The following NCKAP5 variants were observed in gnomAD, a reference collection of about 807,000 sequenced individuals.
NCKAP5 encodes the protein NCK associated protein 5.
A neutral mutation model predicts 167.0 loss-of-function variants in NCKAP5; 92 were observed. The ratio of observed to expected loss-of-function variants is 0.55; its 90% CI spans 0.47 to 0.66. The LOEUF (loss-of-function observed/expected upper bound fraction) is 0.66. Among genes scored for constraint, NCKAP5 ranks in the 30% least tolerant of loss-of-function variants. NCKAP5 has a pLI of 0.00. For missense variants in NCKAP5, 2,378 were observed against 2,315.0 expected, an observed-to-expected ratio of 1.03 and a Z score of -0.56; for synonymous variants, 891 against 877.4, an observed-to-expected ratio of 1.02 and a Z score of -0.27.
intron 3 of NCKAP5, among the ~76,000 whole-genome samples, chr2:133,364,693 C>T (rs1175048914): frequency 1.3e-5 from 2 of 152,072 alleles, no homozygotes; most frequent in Non-Finnish European, 1.5e-5. Context: ...GCAAGAATAT[C>T]ACAGAAATGA....
the NCKAP5 span, among the ~76,000 whole-genome samples, chr2:133,640,001 T>C: frequency 6.6e-6 from 1 of 152,148 alleles, no homozygotes; most frequent in Non-Finnish European, 1.5e-5. Flanking sequence ...ATATTGCTTG[T>C]ATAAGGTTTA....
At chr2:133,599,172 G>A in the NCKAP5 span, among the ~76,000 whole-genome samples, 2,709 of 152,310 alleles carry the variant, frequency 0.018, 74 homozygotes, top group African/African-American at 0.061. Context: ...CTACTGAAAG[G>A]TTAAGATTTC....
chr2:133,414,477 T>C (rs1343659830), intron 3 of NCKAP5, among the ~76,000 whole-genome samples: 1 of 152,028 alleles, frequency 6.6e-6, no homozygotes, highest in Non-Finnish European at 1.5e-5. Context: ...AAATAGCCAA[T>C]GGGACGGAGA....
intron 6 of NCKAP5, among the ~76,000 whole-genome samples, chr2:133,111,053 C>T (rs1481659435): frequency 2.0e-5 from 3 of 152,126 alleles, no homozygotes; most frequent in Non-Finnish European, 4.4e-5. Flanking sequence ...ATAGGTCCTC[C>T]TTTAACCTTA....
intron 3 of NCKAP5, among the ~76,000 whole-genome samples, chr2:133,507,607 G>A (rs1160170075): frequency 6.6e-6 from 1 of 152,198 alleles, no homozygotes; most frequent in African/African-American, 2.4e-5. Flanking sequence ...CAGACAAATA[G>A]GATTCCATGT....
chr2:132,756,393 G>C (rs200540952), intron 16 of NCKAP5, among the ~76,000 whole-genome samples: 1 of 152,146 alleles, frequency 6.6e-6, no homozygotes, highest in East Asian at 1.9e-4. Flanking sequence ...AAAAGCATTA[G>C]AGTGTATCTA....
intron 6 of NCKAP5, among the ~76,000 whole-genome samples, chr2:133,121,358 C>T (rs2082244785): frequency 6.6e-6 from 1 of 151,946 alleles, no homozygotes; most frequent in African/African-American, 2.4e-5. Context: ...AATGATGACA[C>T]TATTAAAAAC....
intron 3 of NCKAP5, chr2:133,391,416 G>A (rs1188752927): frequency 6.5e-6 from 1 of 152,694 alleles, no homozygotes; most frequent in Non-Finnish European, 1.5e-5. Context: ...TAAGTCTTGA[G>A]TCCAGACAGC....
intron 8 of NCKAP5, among the ~76,000 whole-genome samples, chr2:132,918,692 A>G (rs992429812): frequency 2.0e-5 from 3 of 152,230 alleles, no homozygotes; most frequent in Non-Finnish European, 4.4e-5. Flanking sequence ...AAGAACAAAA[A>G]AGACAATAAA....
intron 19 of NCKAP5, among the ~76,000 whole-genome samples, chr2:132,697,114 C>G (rs1436220431): frequency 6.6e-6 from 1 of 152,182 alleles, no homozygotes; most frequent in Non-Finnish European, 1.5e-5. Context: ...TCTCAAACTC[C>G]TGGCCTCAAG....
chr2:133,506,580 C>T (rs1048641669), intron 3 of NCKAP5, among the ~76,000 whole-genome samples: 6 of 152,150 alleles, frequency 3.9e-5, no homozygotes, highest in Non-Finnish European at 5.9e-5. Flanking sequence ...AGGGCCAGCA[C>T]GGTTGGCCAT....
chr2:133,260,717 T>C (rs904224635), intron 4 of NCKAP5, among the ~76,000 whole-genome samples: 1 of 152,226 alleles, frequency 6.6e-6, no homozygotes, highest in African/African-American at 2.4e-5. Context: ...ATTAGTATTT[T>C]AACAAGTTTA....
chr2:133,473,526 T>C (rs1679552763), intron 3 of NCKAP5, among the ~76,000 whole-genome samples: 1 of 152,132 alleles, frequency 6.6e-6, no homozygotes, highest in Non-Finnish European at 1.5e-5. Context: ...TTCTAATGAG[T>C]TTCCAGGGGA....
intron 4 of NCKAP5, among the ~76,000 whole-genome samples, chr2:133,228,616 A>G (rs1001911106): frequency 6.6e-6 from 1 of 152,214 alleles, no homozygotes; most frequent in Non-Finnish European, 1.5e-5. Flanking sequence ...AGAAAAGTTA[A>G]CTATGAAACA....
At chr2:133,048,232 C>G (rs1470725458) in intron 6 of NCKAP5, among the ~76,000 whole-genome samples, 1 of 152,136 alleles carries the variant, frequency 6.6e-6, no homozygotes, top group Non-Finnish European at 1.5e-5. Flanking sequence ...ATAAAATTCA[C>G]TACTTGTGGG....
the NCKAP5 span, among the ~76,000 whole-genome samples, chr2:133,585,285 A>G: frequency 6.6e-5 from 10 of 152,246 alleles, no homozygotes; most frequent in African/African-American, 9.6e-5. Context: ...TACAGGTTTC[A>G]TTACATCAAA....
the NCKAP5 span, among the ~76,000 whole-genome samples, chr2:133,626,453 T>C: frequency 3.3e-5 from 4 of 121,180 alleles, no homozygotes; most frequent in Admixed American, 2.0e-4. Context: ...TCAATAAATA[T>C]GTTGCAAGGG....
At chr2:133,393,300 A>G (rs911736721) in intron 3 of NCKAP5, among the ~76,000 whole-genome samples, 6 of 152,206 alleles carry the variant, frequency 3.9e-5, no homozygotes, top group African/African-American at 1.4e-4. Flanking sequence ...TTGTTCTGCC[A>G]CTTCGTTCCA....
chr2:132,920,767 G>GTATGTATATATA (rs1558943193), intron 8 of NCKAP5, among the ~76,000 whole-genome samples: 4 of 31,256 alleles, frequency 1.3e-4, no homozygotes, highest in East Asian at 1.2e-3. Flanking sequence ...GTATATATAT[G>GTATGTATATATA]TATGTATATA....
Sources: allele counts gnomAD v4.1 joint callset (sites outside exome capture counted in the v4.1 genomes callset), GRCh38; gene constraint gnomAD v4.1.1; transcripts MANE v1.5; gene names NCBI Gene and HGNC (gene_info 2026-07-23, HGNC 2026-07-21).